ARFGEF3: variants seen among roughly 807,000 people sequenced by gnomAD.
ARFGEF3 encodes the protein brefeldin A-inhibited guanine nucleotide-exchange protein 3.
ARFGEF3 carries 96 observed loss-of-function variants against 221.7 expected under a neutral mutation model. The observed-to-expected ratio is 0.43, with a 90% CI of 0.37 to 0.51. The LOEUF (loss-of-function observed/expected upper bound fraction) is 0.51, where lower values mean the gene tolerates loss of function less well. Among genes scored for constraint, ARFGEF3 ranks in the 20% least tolerant of loss-of-function variants. The probability of loss-of-function intolerance (pLI) is 0.00; values close to 1 mark genes in which losing one functional copy is unlikely to be tolerated. For synonymous variants in ARFGEF3, 1,145 were observed against 1,126.8 expected (o/e 1.02, Z -0.32); for missense variants, 2,410 against 2,789.9 (o/e 0.86, Z 3.07).
intron 4 of ARFGEF3, chr6:138,217,267 C>T (rs987252968): frequency 6.6e-6 from 1 of 152,146 alleles, no homozygotes. Flanking sequence ...AATGCAGAGG[C>T]CCTCATCACT....
intron 2 of ARFGEF3, among the ~76,000 whole-genome samples, chr6:138,179,325 C>T (rs1777017165): frequency 6.6e-6 from 1 of 152,156 alleles, no homozygotes; most frequent in Admixed American, 6.6e-5. Context: ...ACTCAGTGCC[C>T]CTTTGGGAAC....
intron 5 of ARFGEF3, among the ~76,000 whole-genome samples, chr6:138,235,009 T>G (rs567972183): frequency 1.2e-4 from 19 of 152,198 alleles, no homozygotes; most frequent in African/African-American, 4.6e-4. Flanking sequence ...GGCCAACATA[T>G]ATTGAAAAAT....
intron 7 of ARFGEF3, among the ~76,000 whole-genome samples, chr6:138,243,807 G>A (rs966508588): frequency 2.6e-5 from 4 of 152,104 alleles, no homozygotes; most frequent in African/African-American, 9.7e-5. Flanking sequence ...ATGAGGAAGA[G>A]ACACGCCTTA....
intron 4 of ARFGEF3, chr6:138,217,974 G>A (rs372375710): frequency 6.2e-5 from 98 of 1,583,004 alleles, no homozygotes; most frequent in Non-Finnish European, 7.1e-5. Flanking sequence ...AGGCTTTGCA[G>A]CAGGGCTGAG....
chr6:138,264,186 G>C, intron 12 of ARFGEF3, among the ~76,000 whole-genome samples: 1 of 152,082 alleles, frequency 6.6e-6, no homozygotes, highest in Non-Finnish European at 1.5e-5. Context: ...GTGCTGGGGG[G>C]AATAGTGGGC....
Position 138,263,078 on chromosome 6 carries a change from A to C in ARFGEF3, c.1595A>C (p.His532Pro). 1 of 1,613,774 alleles carries C rather than the reference A, an allele frequency of 6.2e-7. No homozygotes were observed. The highest frequency in any genetic ancestry group is 8.5e-7 in the Non-Finnish European group (1 of 1,179,802). ...ACACCCGAGGACCATTCGGGAAACC[A>C]CAAGAACAGTCTCAAGTCGCCAGCC... Reference protein sequence around the residue: ...QTTPEDHSGNHKNSLKSPAIP... With the variant: ...QTTPEDHSGNPKNSLKSPAIP... Residue 532 changes from histidine (H) to proline (P), a missense_variant, in exon 12 of 34, where the codon CAC becomes CCC. Physicochemically the swap from His to Pro is moderately conservative, Grantham distance 77. Around this residue, in one of 5 missense-constraint regions of ARFGEF3, gnomAD observed 594 missense variants for 734.3 expected, o/e 0.81. Coordinates refer to ENST00000251691, the MANE Select transcript of ARFGEF3 (RefSeq NM_020340.5).
intron 5 of ARFGEF3, among the ~76,000 whole-genome samples, chr6:138,236,376 A>G (rs933257859): frequency 5.9e-5 from 9 of 152,222 alleles, no homozygotes; most frequent in Non-Finnish European, 1.0e-4. Context: ...ATGATACACA[A>G]TGGAGAGTTT....
At chr6:138,321,289 T>A (rs2114679996) in intron 29 of ARFGEF3, 64 bp downstream of exon 29, 2 of 955,476 alleles carry the variant, frequency 2.1e-6, no homozygotes. Flanking sequence ...CTAAAGAAAT[T>A]AAATTGTCTT....
At position 138,279,966 on chromosome 6, in the gene ARFGEF3, A is replaced by G. The variant is rs182473445; in HGVS notation, c.2296-33A>G. On this transcript the variant is annotated intron_variant, in intron 13 of 33. Transcript: ENST00000251691. ...GGAGCCTGTTAGTGAGCAGGGTGTT[A>G]TGTGGTCACCTTCTCATGCGATCTC... 3.1e-5 allele frequency: 50 copies of G among 1,611,244 alleles called. No homozygotes were observed. In the East Asian group the frequency reaches 1.1e-3, roughly 35 times the overall value.
chr6:138,301,370 T>C (rs1453058741), intron 22 of ARFGEF3, among the ~76,000 whole-genome samples: 2 of 152,204 alleles, frequency 1.3e-5, no homozygotes, highest in Non-Finnish European at 2.9e-5. Flanking sequence ...TCACCTTTAC[T>C]CCCAAGCTCT....
At position 138,162,305 on chromosome 6, in the gene ARFGEF3, A is replaced by T. The variant is rs1776633337; in HGVS notation, c.85+134A>T. On this transcript the variant is annotated intron_variant, in intron 1 of 33. Transcript: ENST00000251691. The surrounding 1 kb of genome is among the most constrained non-coding windows in gnomAD (Gnocchi z 4.7). ...TGGCGATTGCGAGAGTCGCCTCGGG[A>T]AATTGATGTGGGATTTGAGAGTCTT... 1 of 567,890 alleles carries T rather than the reference A, an allele frequency of 1.8e-6. No individual in the cohort carries two copies. Among genetic ancestry groups the T allele is most frequent in the Non-Finnish European group, 3.0e-6 (1 of 331,396 alleles). 35.2% of individuals were successfully genotyped at this position (567,890 alleles called of 1,614,324 possible).
chr6:138,259,345 C>T (rs190643662), intron 10 of ARFGEF3, among the ~76,000 whole-genome samples: 2 of 152,346 alleles, frequency 1.3e-5, no homozygotes, highest in Admixed American at 1.3e-4. Flanking sequence ...ACATACAGGA[C>T]ATTTTTGTTT....
rs117685356 is a variant in ARFGEF3 at position 138,198,889 on chromosome 6, G to A, written c.138-8153G>A. ...AGTGTGCCCTACGCATAGTTGGTGG[G>A]AGCTGACTCTCCGTGTAGACGTTAT... On this transcript the variant is annotated intron_variant, in intron 2 of 33. Transcript: ENST00000251691. Among the ~76,000 whole-genome samples the A allele has an allele frequency of 5.6e-3, 849 of 152,328 alleles. 4 individuals are homozygous for A. The highest frequency in any genetic ancestry group is 0.017 in the Middle Eastern group (5 of 294).
Position 138,263,091 on chromosome 6 carries a change from C to G in ARFGEF3, c.1608C>G (p.Leu536=), listed in dbSNP as rs529336371. Reference sequence around the variant, plus strand: ...ATTCGGGAAACCACAAGAACAGTCTCAAGTCGCCAGCCATCCCAGAGGGTA... The same window carrying G: ...ATTCGGGAAACCACAAGAACAGTCTGAAGTCGCCAGCCATCCCAGAGGGTA... ...EDHSGNHKNS[L]KSPAIPEGKE... The change falls in exon 12 of 34, where the codon CTC becomes CTG. Residue 536 remains leucine, a synonymous_variant. Transcript: ENST00000251691. 8 of 1,613,850 alleles carry G rather than the reference C, an allele frequency of 5.0e-6. 1 individual carries two copies. The Admixed American group carries it at 1.0e-4, about 20-fold the overall frequency.
intron 19 of ARFGEF3, among the ~76,000 whole-genome samples, chr6:138,293,178 T>A (rs1779445247): frequency 6.6e-6 from 1 of 152,208 alleles, no homozygotes; most frequent in Non-Finnish European, 1.5e-5. Context: ...CCCACAGCAC[T>A]GTTTGCCCTG....
chr6:138,286,821 C>T lies in ARFGEF3; in HGVS notation c.2690C>T (p.Ala897Val). Reference sequence around the variant, plus strand: ...AAAGGGCTGGCCTTCATTCTGGGAGCTGAAGGCATCAAAGAGCAGAACCAG... The same window carrying T: ...AAAGGGCTGGCCTTCATTCTGGGAGTTGAAGGCATCAAAGAGCAGAACCAG... ...SSKGLAFILGAEGIKEQNQKE... is the reference protein window; with the variant it reads ...SSKGLAFILGVEGIKEQNQKE... Residue 897 changes from alanine (A) to valine (V), a missense_variant, in exon 16 of 34, where the codon GCT becomes GTT. Around this residue, in one of 5 missense-constraint regions of ARFGEF3, gnomAD observed 594 missense variants for 734.3 expected, o/e 0.81. Coordinates refer to ENST00000251691, the MANE Select transcript of ARFGEF3 (RefSeq NM_020340.5). 10 of 1,614,008 alleles carry T rather than the reference C, an allele frequency of 6.2e-6. No homozygotes were observed. The highest frequency in any genetic ancestry group is 8.5e-6 in the Non-Finnish European group (10 of 1,179,888).
intron 7 of ARFGEF3, among the ~76,000 whole-genome samples, chr6:138,243,287 C>G (rs1778427571): frequency 6.6e-6 from 1 of 152,122 alleles, no homozygotes; most frequent in Non-Finnish European, 1.5e-5. Flanking sequence ...ACTTCATTCT[C>G]CATGAAGTCA....
intron 2 of ARFGEF3, among the ~76,000 whole-genome samples, chr6:138,193,834 C>T (rs1373818925): frequency 6.6e-6 from 1 of 152,080 alleles, no homozygotes; most frequent in Non-Finnish European, 1.5e-5. Flanking sequence ...TGAAGTCAGT[C>T]TTTTTTTCTC....
chr6:138,325,490 C>G (rs555893861), intron 31 of ARFGEF3, among the ~76,000 whole-genome samples: 1 of 152,190 alleles, frequency 6.6e-6, no homozygotes, highest in African/African-American at 2.4e-5. Flanking sequence ...CCACTGAAGC[C>G]TCCGTGGCCA....
Sources: gnomAD v4.1 joint callset for allele counts (sites outside exome capture counted in the v4.1 genomes callset) on GRCh38, gnomAD v4.1.1 for gene constraint, gnomAD v4.1.1 regional missense constraint, Gnocchi (gnomAD v3.1) non-coding constraint, MANE v1.5 for transcripts, NCBI Gene and HGNC (gene_info 2026-07-23, HGNC 2026-07-21) for gene names.